The following ASCC1 variants were observed in gnomAD, a reference collection of about 807,000 sequenced individuals.
The protein encoded by ASCC1 is ASC-1 complex subunit P50.
A neutral mutation model predicts 46.6 loss-of-function variants in ASCC1; 35 were observed. The observed-to-expected ratio is 0.75, with a 90% CI of 0.57 to 0.99. The LOEUF (loss-of-function observed/expected upper bound fraction) is 0.99, where lower values mean the gene tolerates loss of function less well. Ranked by LOEUF, ASCC1 falls within the 50% of genes least tolerant of loss-of-function variation. The pLI, the probability that ASCC1 is intolerant of heterozygous loss-of-function variation, is 0.00. For missense variants in ASCC1, 376 were observed against 428.7 expected (o/e 0.88, Z 1.09); for synonymous variants, 143 against 146.6 (o/e 0.98, Z 0.18).
At chr10:72,159,943 C>A (rs552586705) in intron 6 of ASCC1, among the ~76,000 whole-genome samples, 74 of 139,248 alleles carry the variant, frequency 5.3e-4, no homozygotes, top group Non-Finnish European at 1.1e-3. Context: ...CTCACTCTGT[C>A]GCCCAGGCTG....
chr10:72,156,690 C>T (rs1018085948), intron 6 of ASCC1, among the ~76,000 whole-genome samples: 17 of 150,710 alleles, frequency 1.1e-4, no homozygotes, highest in South Asian at 4.2e-4. Context: ...GAGAATGGCG[C>T]GAACCCAGGG....
intron 5 of ASCC1, among the ~76,000 whole-genome samples, chr10:72,168,382 C>T (rs1322325253): frequency 6.6e-6 from 1 of 152,142 alleles, no homozygotes; most frequent in African/African-American, 2.4e-5. Context: ...AATATCATTT[C>T]TCACCCATCA....
chr10:72,119,679 T>C (rs138847493), intron 9 of ASCC1, among the ~76,000 whole-genome samples: 108 of 150,226 alleles, frequency 7.2e-4, no homozygotes, highest in Middle Eastern at 6.8e-3. Context: ...GTACATCACG[T>C]CCAGATTCAA....
chr10:72,127,387 T>A (rs1327534487), intron 9 of ASCC1, among the ~76,000 whole-genome samples: 3 of 152,176 alleles, frequency 2.0e-5, no homozygotes, highest in African/African-American at 7.2e-5. Context: ...TTACTTACAT[T>A]TCATAGATTA....
intron 7 of ASCC1, among the ~76,000 whole-genome samples, chr10:72,137,994 A>G (rs938636872): frequency 6.6e-6 from 1 of 152,030 alleles, no homozygotes; most frequent in African/African-American, 2.4e-5. Flanking sequence ...TCTCCCGAGT[A>G]GCTGGGATTA....
chr10:72,096,490 C>T lies in ASCC1; in HGVS notation c.*844G>A. The T allele has an allele frequency of 2.2e-6, 1 of 454,086 alleles. No individual in the cohort carries two copies. The highest frequency in any genetic ancestry group is 4.4e-6 in the Non-Finnish European group (1 of 226,798). 28.1% of individuals were successfully genotyped at this position (454,086 alleles called of 1,614,324 possible). The stretch of plus-strand genomic sequence containing the variant: ...ATCCAACAAATATTAAGAGGACAAA[C>T]TTTGGTAGGAAAATGATAGACCAAG... On this transcript the variant is annotated 3_prime_UTR_variant, in exon 10 of 10. Coordinates refer to ENST00000672957, the MANE Select transcript of ASCC1 (RefSeq NM_001198800.3).
chr10:72,111,695 G>A (rs1842935019), intron 9 of ASCC1, among the ~76,000 whole-genome samples: 1 of 152,040 alleles, frequency 6.6e-6, no homozygotes, highest in Non-Finnish European at 1.5e-5. Flanking sequence ...AGGCTGGAGT[G>A]CAATGGTGCG....
intron 9 of ASCC1, among the ~76,000 whole-genome samples, chr10:72,123,338 C>CA (rs1309214553): frequency 0.016 from 955 of 58,678 alleles, 14 homozygotes; most frequent in African/African-American, 0.035. Flanking sequence ...GACTCCGTCT[C>CA]AAAAAAAAAA....
chr10:72,109,252 G>C (rs1842669022), intron 9 of ASCC1, among the ~76,000 whole-genome samples: 1 of 152,118 alleles, frequency 6.6e-6, no homozygotes, highest in Non-Finnish European at 1.5e-5. Context: ...CAGCAAAAAG[G>C]CTGTTAAGTC....
At position 72,163,203 on chromosome 10, in the gene ASCC1, A is replaced by C. The variant is rs184902025; in HGVS notation, c.490-1529T>G. Among the ~76,000 whole-genome samples the C allele has an allele frequency of 2.4e-4, 37 of 152,286 alleles. No homozygotes were observed. The East Asian group carries it at 6.8e-3, about 28-fold the overall frequency. On this transcript the variant is annotated intron_variant, in intron 5 of 9. Transcript: ENST00000672957. ...AAATGACTCAGCCTCTGTGAAAAAG[A>C]GTTTGGCAGTTCCTCAAAAAGTTAA...
At chr10:72,216,396 A>G (rs1372152050), upstream of ASCC1, 2 of 176,060 alleles carry the variant, frequency 1.1e-5, no homozygotes, top group Non-Finnish European at 2.4e-5. Flanking sequence ...AAAAGTGGCT[A>G]GGAGTTAGCT....
intron 5 of ASCC1, among the ~76,000 whole-genome samples, chr10:72,175,780 A>C (rs1370292497): frequency 6.6e-6 from 1 of 152,234 alleles, no homozygotes; most frequent in Non-Finnish European, 1.5e-5. Flanking sequence ...ACTCTTCTAA[A>C]AACTTCACTA....
chr10:72,166,420 T>C (rs573326664), intron 5 of ASCC1, among the ~76,000 whole-genome samples: 7 of 151,154 alleles, frequency 4.6e-5, no homozygotes, highest in African/African-American at 1.7e-4. Flanking sequence ...CTGGGCAACT[T>C]AGACCAGTTC....
At chr10:72,191,940 G>A (rs1474862800) in intron 5 of ASCC1, among the ~76,000 whole-genome samples, 15 of 151,378 alleles carry the variant, frequency 9.9e-5, no homozygotes, top group Non-Finnish European at 8.8e-5. Context: ...GAACCACCAC[G>A]CCGGCCAGGA....
At chr10:72,213,458 C>CATTTCCCATTGG (rs1010040200) in intron 1 of ASCC1, 127 bp from the exon 2 acceptor site, 2 of 645,582 alleles carry the variant, frequency 3.1e-6, no homozygotes, top group Non-Finnish European at 5.7e-6. Context: ...AAAGCAGCAC[C>CATTTCCCATTGG]ATTTCCCATT....
chr10:72,191,643 GA>G (rs148145038), intron 5 of ASCC1, among the ~76,000 whole-genome samples: 3,903 of 151,678 alleles, frequency 0.026, 199 homozygotes, highest in African/African-American at 0.09. Flanking sequence ...TGAGGGTTAG[GA>G]AAAAAAATTT....
intron 4 of ASCC1, 107 bp from the exon 5 acceptor site, chr10:72,197,096 G>C: frequency 2.0e-6 from 2 of 988,866 alleles, no homozygotes; most frequent in Non-Finnish European, 1.6e-6. Flanking sequence ...TTCTGAATGC[G>C]TATATGAATC....
intron 5 of ASCC1, among the ~76,000 whole-genome samples, chr10:72,166,334 G>A (rs767515942): frequency 4.6e-5 from 7 of 152,120 alleles, no homozygotes; most frequent in Non-Finnish European, 8.8e-5. Context: ...CAGGCACAGT[G>A]GCTCATGCCT....
chr10:72,166,886 A>G (rs1468434689), intron 5 of ASCC1, among the ~76,000 whole-genome samples: 1 of 152,218 alleles, frequency 6.6e-6, no homozygotes, highest in Admixed American at 6.5e-5. Context: ...CCAAAATGAG[A>G]TATCACCTCA....
Sources: gnomAD v4.1 joint callset for allele counts (sites outside exome capture counted in the v4.1 genomes callset) on GRCh38, gnomAD v4.1.1 for gene constraint, MANE v1.5 for transcripts, NCBI Gene and HGNC (gene_info 2026-07-23, HGNC 2026-07-21) for gene names.